Variants in DDX10 observed in about 807,000 individuals in gnomAD.
DDX10 encodes probable ATP-dependent RNA helicase DDX10.
Under a neutral mutation model 104.3 loss-of-function variants are expected in DDX10, and 74 were observed. The ratio of observed to expected loss-of-function variants is 0.71; its 90% CI spans 0.59 to 0.86. The LOEUF (loss-of-function observed/expected upper bound fraction) is 0.86. Ranked by LOEUF, DDX10 falls within the 40% of genes least tolerant of loss-of-function variation. DDX10 has a pLI of 0.00. For missense variants in DDX10, 952 were observed against 1,040.0 expected (o/e 0.92, Z 1.16); for synonymous variants, 351 against 353.4 (o/e 0.99, Z 0.08).
At chr11:108,933,843 C>G (rs1246580118) in intron 17 of DDX10, among the ~76,000 whole-genome samples, 1 of 152,154 alleles carries the variant, frequency 6.6e-6, no homozygotes, top group Non-Finnish European at 1.5e-5. Flanking sequence ...GTATGACATA[C>G]AGTAGGCCAG....
chr11:108,893,182 G>A (rs1233578642), intron 16 of DDX10, among the ~76,000 whole-genome samples: 2 of 152,120 alleles, frequency 1.3e-5, no homozygotes, highest in African/African-American at 4.8e-5. Flanking sequence ...TCATTAACAT[G>A]TATAGTAGCT....
At chr11:108,887,595 A>AAG (rs1863315936) in intron 16 of DDX10, among the ~76,000 whole-genome samples, 1 of 151,704 alleles carries the variant, frequency 6.6e-6, no homozygotes, top group Admixed American at 6.6e-5. Context: ...AAAAAAAAAA[A>AAG]CAAACCAGAA....
Position 108,723,153 on chromosome 11 carries a change from C to T in DDX10, c.1656C>T (p.Phe552=). The T allele has an allele frequency of 6.2e-7, 1 of 1,613,762 alleles. No individual in the cohort carries two copies. The highest frequency in any genetic ancestry group is 8.5e-7 in the Non-Finnish European group (1 of 1,179,860). The stretch of plus-strand genomic sequence containing the variant: ...AAGTGGAAGAATTTAGAGCCTACTT[C>T]AATGAGAAAATGTCCATCCTTCAAA... ...NDEVEEFRAY[F]NEKMSILQKG... Residue 552 remains phenylalanine (F), a synonymous_variant, in exon 13 of 18, where the codon TTC becomes TTT. Coordinates refer to ENST00000322536, the MANE Select transcript of DDX10 (RefSeq NM_004398.4).
At position 108,822,493 on chromosome 11, in the gene DDX10, T is replaced by C. The variant is rs973794620; in HGVS notation, c.1966-15953T>C. On this transcript the variant is annotated intron_variant, in intron 13 of 17. Transcript: ENST00000322536. ...TCCCCAGGTGATGCCTTTGTTCTTA[T>C]TGGTGTCTGTGTAAGAGTATCCAAC... is the stretch of plus-strand genomic sequence containing the variant. The C allele has an allele frequency of 3.1e-5, 9 of 291,062 alleles. No homozygotes were observed. The East Asian group carries it at 7.0e-4, about 23-fold the overall frequency. 18.0% of individuals were successfully genotyped at this position (291,062 alleles called of 1,614,324 possible). A position where few individuals can be genotyped will look rare whatever the true frequency, so the allele number is the denominator to read the frequency against.
chr11:108,684,223 G>T (rs1335049002), intron 6 of DDX10, among the ~76,000 whole-genome samples: 1 of 100,066 alleles, frequency 1.0e-5, no homozygotes, highest in Admixed American at 1.2e-4. Flanking sequence ...TTAAGTTTTA[G>T]GGTACATGTG....
At chr11:108,821,873 A>G (rs1361933962) in intron 13 of DDX10, among the ~76,000 whole-genome samples, 1 of 152,222 alleles carries the variant, frequency 6.6e-6, no homozygotes, top group Non-Finnish European at 1.5e-5. Flanking sequence ...TATAAAGTAG[A>G]CATTGCCACC....
At chr11:108,720,352 G>A (rs538036835) in intron 12 of DDX10, among the ~76,000 whole-genome samples, 62 of 152,172 alleles carry the variant, frequency 4.1e-4, no homozygotes, top group African/African-American at 1.4e-3. Flanking sequence ...TAGTTTTCTC[G>A]TTCTCTGAAA....
chr11:108,682,653 C>T (rs1317127490), intron 6 of DDX10, among the ~76,000 whole-genome samples: 1 of 152,138 alleles, frequency 6.6e-6, no homozygotes, highest in Non-Finnish European at 1.5e-5. Context: ...TTTAATTCCA[C>T]GTGTATCTTA....
chr11:108,672,387 T>A (rs1802517730), intron 1 of DDX10, among the ~76,000 whole-genome samples: 1 of 152,212 alleles, frequency 6.6e-6, no homozygotes, highest in Admixed American at 6.5e-5. Flanking sequence ...TTTGGAAGAT[T>A]ATCTTCTAAT....
intron 6 of DDX10, among the ~76,000 whole-genome samples, chr11:108,684,663 G>A (rs1404256603): frequency 7.7e-6 from 1 of 130,520 alleles, no homozygotes; most frequent in Non-Finnish European, 1.6e-5. Context: ...ATAAACATAC[G>A]TGTGCATGTG....
chr11:108,908,883 T>C (rs1863631349), intron 16 of DDX10, among the ~76,000 whole-genome samples: 1 of 152,238 alleles, frequency 6.6e-6, no homozygotes. Context: ...AAACAGATGC[T>C]TTTTACAAGT....
intron 13 of DDX10, among the ~76,000 whole-genome samples, chr11:108,743,864 C>A (rs1388707105): frequency 6.6e-6 from 1 of 152,152 alleles, no homozygotes; most frequent in African/African-American, 2.4e-5. Context: ...TGCTTGAACC[C>A]TTTGTCCCCA....
In DDX10 at chr11:108,698,894, G is replaced by A. The variant is rs12099333; in HGVS notation, c.1223+5294G>A. Among the ~76,000 whole-genome samples the A allele has an allele frequency of 9.6e-3, 1,466 of 152,238 alleles. 18 individuals are homozygous for A. The highest frequency in any genetic ancestry group is 0.033 in the African/African-American group (1,358 of 41,546). The stretch of plus-strand genomic sequence containing the variant: ...TTATGTGCCAGGCGTGCTTTTGCCC[G>A]TAGGGCCTTTATACTGGTGCTGTCT... On this transcript the variant is annotated intron_variant, in intron 9 of 17. Transcript: ENST00000322536.
chr11:108,782,739 A>C (rs1447062177), intron 13 of DDX10, among the ~76,000 whole-genome samples: 1 of 152,114 alleles, frequency 6.6e-6, no homozygotes, highest in African/African-American at 2.4e-5. Flanking sequence ...GCTTCAATCA[A>C]ATCAAGAGTA....
chr11:108,827,134 T>G (rs1010545642), intron 13 of DDX10, among the ~76,000 whole-genome samples: 78 of 152,344 alleles, frequency 5.1e-4, no homozygotes, highest in African/African-American at 1.7e-3. Context: ...TGACTCACAA[T>G]TGTTCTGAAC....
intron 16 of DDX10, among the ~76,000 whole-genome samples, chr11:108,853,171 G>A (rs1167568232): frequency 6.6e-6 from 1 of 152,138 alleles, no homozygotes; most frequent in Non-Finnish European, 1.5e-5. Flanking sequence ...GCTCCAGTGT[G>A]TGCAGCCTGA....
chr11:108,924,113 A>G (rs1863877103), intron 17 of DDX10, among the ~76,000 whole-genome samples: 1 of 152,144 alleles, frequency 6.6e-6, no homozygotes. Flanking sequence ...ATTAAATACA[A>G]TGAAAAAGAA....
In DDX10 at chr11:108,915,409, G is replaced by A. The variant is rs370668226; in HGVS notation, c.2305-2464G>A. Among the ~76,000 whole-genome samples, 3 of 150,014 alleles carry A rather than the reference G, an allele frequency of 2.0e-5. No individual in the cohort carries two copies. The South Asian group carries it at 6.3e-4, about 32-fold the overall frequency. ...TTTGGAAAATTTGTAACCACCAACA[G>A]CTTCCCAATACTAAAAAGGCTTGTT... On this transcript the variant is annotated intron_variant, in intron 16 of 17. Transcript: ENST00000322536.
chr11:108,775,838 C>T (rs1394232305), intron 13 of DDX10, among the ~76,000 whole-genome samples: 1 of 152,182 alleles, frequency 6.6e-6, no homozygotes, highest in Non-Finnish European at 1.5e-5. Context: ...TGTCCTTCTA[C>T]GTGACTATTA....
Sources: allele counts gnomAD v4.1 joint callset (sites outside exome capture counted in the v4.1 genomes callset), GRCh38; gene constraint gnomAD v4.1.1; transcripts MANE v1.5; gene names NCBI Gene and HGNC (gene_info 2026-07-23, HGNC 2026-07-21).